CELF4: variants seen among roughly 807,000 people sequenced by gnomAD.
CELF4 encodes CUG-BP- and ETR-3-like factor 4.
CELF4 carries 18 observed loss-of-function variants against 59.9 expected under a neutral mutation model. That is an observed-to-expected ratio of 0.30 (90% CI 0.21 to 0.45). The LOEUF (loss-of-function observed/expected upper bound fraction) is 0.45. Among genes scored for constraint, CELF4 ranks in the 20% least tolerant of loss-of-function variants. CELF4 has a pLI of 1.00. For synonymous variants in CELF4, 261 were observed against 267.1 expected, an observed-to-expected ratio of 0.98 and a Z score of 0.22; for missense variants, 456 against 689.0, an observed-to-expected ratio of 0.66 and a Z score of 3.79.
At chr18:37,292,143 G>C (rs1449916685) in intron 3 of CELF4, among the ~76,000 whole-genome samples, 2 of 150,516 alleles carry the variant, frequency 1.3e-5, no homozygotes, top group Non-Finnish European at 2.9e-5. Flanking sequence ...CTTAATCTTG[G>C]ACATTCTGGC....
chr18:37,442,835 G>A (rs1786778), intron 2 of CELF4, among the ~76,000 whole-genome samples: 6,863 of 152,246 alleles, frequency 0.045, 212 homozygotes, highest in Non-Finnish European at 0.066. Flanking sequence ...GAACATCTGG[G>A]CAGGGCTCCA....
intron 1 of CELF4, among the ~76,000 whole-genome samples, chr18:37,493,462 C>T (rs777139257): frequency 5.3e-5 from 8 of 152,200 alleles, no homozygotes; most frequent in Non-Finnish European, 1.0e-4. Context: ...TGGCAGACAG[C>T]GTAGAATGCA....
At chr18:37,320,482 T>C (rs2097070883) in intron 3 of CELF4, among the ~76,000 whole-genome samples, 1 of 152,182 alleles carries the variant, frequency 6.6e-6, no homozygotes. Flanking sequence ...GGGAGGAGGC[T>C]GGAGGTAGGA....
intron 2 of CELF4, among the ~76,000 whole-genome samples, chr18:37,477,668 T>C (rs2099854009): frequency 6.6e-6 from 1 of 152,172 alleles, no homozygotes; most frequent in African/African-American, 2.4e-5. Context: ...ACTACCATTT[T>C]TGGGGCCCCT....
chr18:37,324,028 A>T (rs748697586), intron 2 of CELF4, among the ~76,000 whole-genome samples: 2 of 152,110 alleles, frequency 1.3e-5, no homozygotes, highest in Non-Finnish European at 2.9e-5. Flanking sequence ...CAAATCAAGC[A>T]TCTTTTCTGC....
chr18:37,558,368 T>A (rs1276310599), intron 1 of CELF4, among the ~76,000 whole-genome samples: 1 of 136,958 alleles, frequency 7.3e-6, no homozygotes, highest in Non-Finnish European at 1.5e-5. Flanking sequence ...CAGCTTTTAC[T>A]ACCCCTGTAA....
intron 2 of CELF4, among the ~76,000 whole-genome samples, chr18:37,383,188 C>G (rs1341715147): frequency 1.3e-5 from 2 of 152,182 alleles, no homozygotes; most frequent in Admixed American, 6.5e-5. Context: ...TACCCAGCCA[C>G]TGATTTAATC....
chr18:37,320,253 G>C (rs1478656874), intron 3 of CELF4, among the ~76,000 whole-genome samples: 1 of 150,442 alleles, frequency 6.6e-6, no homozygotes, highest in Non-Finnish European at 1.5e-5. Flanking sequence ...GGAGAATGGC[G>C]TGAACCCGGG....
At chr18:37,559,485 T>C (rs2099985902) in intron 1 of CELF4, among the ~76,000 whole-genome samples, 1 of 152,146 alleles carries the variant, frequency 6.6e-6, no homozygotes, top group Non-Finnish European at 1.5e-5. Flanking sequence ...ACTCCCAGCT[T>C]CTAGCTGGCA....
At chr18:37,528,968 A>T (rs1315802812) in intron 1 of CELF4, 1 of 151,724 alleles carries the variant, frequency 6.6e-6, no homozygotes, top group Non-Finnish European at 1.5e-5. Flanking sequence ...CAAACCATCT[A>T]CTCTTAGCTC....
At chr18:37,498,155 C>T (rs1434025983) in intron 1 of CELF4, among the ~76,000 whole-genome samples, 2 of 152,156 alleles carry the variant, frequency 1.3e-5, no homozygotes, top group Non-Finnish European at 2.9e-5. Flanking sequence ...AAAGACTGAA[C>T]AGAGTGGGTT....
chr18:37,528,909 T>G (rs2154604974), intron 1 of CELF4: 1 of 152,284 alleles, frequency 6.6e-6, no homozygotes, highest in South Asian at 2.1e-4. Flanking sequence ...TGTAAATTGG[T>G]AACTTGGAGG....
Position 37,500,531 on chromosome 18 carries a change from CTTTTTCT to C in CELF4, c.287-14931_287-14925del, listed in dbSNP as rs2099930418. Among the ~76,000 whole-genome samples, 3 of 83,720 alleles carry C rather than the reference CTTTTTCT, an allele frequency of 3.6e-5. No homozygotes were observed. In the South Asian group the frequency reaches 1.8e-3, roughly 51 times the overall value. 54.9% of individuals were successfully genotyped at this position (83,720 alleles called of 152,430 possible). ...AGCTCATTTTCTTTTCTTTTCTTTTCTTTTTCTTTTTTTTTTTTTTGAGACAGAGTCT... is the reference window on the plus strand; with the variant it reads ...AGCTCATTTTCTTTTCTTTTCTTTTCTTTTTTTTTTTTTGAGACAGAGTCT... On this transcript the variant is annotated intron_variant, in intron 1 of 12. Transcript: ENST00000420428.
At position 37,565,578 on chromosome 18, in the gene CELF4, C is replaced by G. The variant is rs780738278; in HGVS notation, c.64G>C (p.Gly22Arg). 3.1e-6 allele frequency: 5 copies of G among 1,613,844 alleles called. No individual in the cohort carries two copies. The highest frequency in any genetic ancestry group is 1.1e-5 in the South Asian group (1 of 91,050). Residue 22 changes from glycine (G) to arginine (R), a missense_variant, in exon 1 of 13, where the codon GGG (glycine) becomes CGG (arginine). Gly to Arg is a moderately radical substitution (Grantham distance 125). Transcript: ENST00000420428. ...QADNASLSTN[G>R]LGSSPGSAGH... ...GCACTGCCCGGGCTGCTGCCGAGCC[C>G]GTTGGTACTGAGGCTTGCGTTGTCA...
chr18:37,262,405 AGGG>A (rs577832169), intron 10 of CELF4, among the ~76,000 whole-genome samples: 1 of 126,546 alleles, frequency 7.9e-6, no homozygotes, highest in African/African-American at 3.2e-5. Flanking sequence ...GGGGTGGGGG[AGGG>A]GGGGGCAGGA....
intron 2 of CELF4, among the ~76,000 whole-genome samples, chr18:37,453,746 G>A (rs2099770499): frequency 1.3e-5 from 2 of 152,170 alleles, no homozygotes; most frequent in African/African-American, 4.8e-5. Context: ...GGCCTCAAAT[G>A]CAGACTGCAG....
intron 3 of CELF4, among the ~76,000 whole-genome samples, chr18:37,298,240 AAGG>A (rs947176135): frequency 6.6e-6 from 1 of 152,152 alleles, no homozygotes; most frequent in Non-Finnish European, 1.5e-5. Flanking sequence ...TGGTTCTTCC[AAGG>A]AGAAGGATCA....
intron 1 of CELF4, among the ~76,000 whole-genome samples, chr18:37,516,956 C>T (rs2099951345): frequency 6.6e-6 from 1 of 152,246 alleles, no homozygotes; most frequent in Non-Finnish European, 1.5e-5. Flanking sequence ...TGTTCTCTCT[C>T]TCTGCAGACT....
At chr18:37,426,034 G>T (rs2099610075) in intron 2 of CELF4, among the ~76,000 whole-genome samples, 1 of 152,178 alleles carries the variant, frequency 6.6e-6, no homozygotes, top group Admixed American at 6.5e-5. Context: ...ATCAGACCAG[G>T]ATATAGCCCC....
Sources: allele counts gnomAD v4.1 joint callset (sites outside exome capture counted in the v4.1 genomes callset), GRCh38; gene constraint gnomAD v4.1.1; transcripts MANE v1.5; gene names NCBI Gene and HGNC (gene_info 2026-07-23, HGNC 2026-07-21).